ZDHHC7: variants seen among roughly 807,000 people sequenced by gnomAD.
The protein encoded by ZDHHC7 is palmitoyltransferase ZDHHC7.
In ZDHHC7, 12 loss-of-function variants were observed where a neutral mutation model predicts 34.1. The observed-to-expected ratio is 0.35, with a 90% CI of 0.23 to 0.57. The LOEUF (loss-of-function observed/expected upper bound fraction) is 0.57. ZDHHC7 is among the 20% of genes least tolerant of loss of function. The pLI is 0.84. For synonymous variants in ZDHHC7, 185 were observed against 155.4 expected (o/e 1.19, Z -1.42); for missense variants, 388 against 402.7 (o/e 0.96, Z 0.31).
At chr16:85,012,858 G>C (rs2072812286), upstream of ZDHHC7, among the ~76,000 whole-genome samples, 2 of 152,258 alleles carry the variant, frequency 1.3e-5, no homozygotes, top group Non-Finnish European at 1.5e-5. Context: ...AGTGGGCCGA[G>C]ATCGCGCCAT....
intron 1 of ZDHHC7, among the ~76,000 whole-genome samples, chr16:85,008,217 T>A (rs957092437): frequency 6.6e-6 from 1 of 151,988 alleles, no homozygotes; most frequent in Non-Finnish European, 1.5e-5. Flanking sequence ...AGGGGGGAGC[T>A]CTTCGTCACA....
Position 84,979,279 on chromosome 16 carries a change from G to A in ZDHHC7, c.447C>T (p.Cys149=), listed in dbSNP as rs749463294. The A allele has an allele frequency of 7.5e-6, 12 of 1,608,802 alleles. No homozygotes were observed. The East Asian group carries it at 2.2e-4, about 30-fold the overall frequency. The change falls in exon 5 of 8, where the codon TGC becomes TGT. Residue 149 remains cysteine, a synonymous_variant. Transcript: ENST00000313732. ...GATCCATTTTCCGAATACATCTTTT[G>A]CAAATACTGAAAAGGAGAGTTTGAT... ...KPERAHHCSI[C]KRCIRKMDHH... is the part of the protein sequence containing the mutation.
intron 1 of ZDHHC7, among the ~76,000 whole-genome samples, chr16:85,007,210 G>A (rs2072729018): frequency 6.6e-6 from 1 of 151,924 alleles, no homozygotes; most frequent in Non-Finnish European, 1.5e-5. Context: ...GATCACCTGA[G>A]GTCAGGAGTT....
At chr16:85,003,224 A>G (rs917057724) in intron 1 of ZDHHC7, among the ~76,000 whole-genome samples, 1 of 152,154 alleles carries the variant, frequency 6.6e-6, no homozygotes, top group African/African-American at 2.4e-5. Context: ...ACAGACTCAG[A>G]GGAAGTGAGG....
chr16:84,976,116 G>T lies in ZDHHC7; in HGVS notation c.*227C>A, dbSNP rs2072293424. 3.5e-6 allele frequency: 2 copies of T among 575,908 alleles called. No individual in the cohort carries two copies. The highest frequency in any genetic ancestry group is 5.9e-6 in the Non-Finnish European group (2 of 337,830). 35.7% of individuals were successfully genotyped at this position (575,908 alleles called of 1,614,324 possible). ...GCTCTGCAGGAGGCCACGGCGTTTG[G>T]CTTCTTCGTGTGGCCACACACCTTT... On this transcript the variant is annotated 3_prime_UTR_variant, in exon 8 of 8. Coordinates refer to ENST00000313732, the MANE Select transcript of ZDHHC7 (RefSeq NM_017740.3).
chr16:84,997,895 TA>T (rs751166134), intron 1 of ZDHHC7, among the ~76,000 whole-genome samples: 14,542 of 64,158 alleles, frequency 0.23, 1,160 homozygotes, highest in African/African-American at 0.42. Context: ...AGACTCCGTC[TA>T]AAAAAAAAAA....
chr16:85,001,409 T>A lies in ZDHHC7; in HGVS notation c.-103-5402A>T, dbSNP rs78016130. Among the ~76,000 whole-genome samples the A allele has an allele frequency of 5.0e-3, 706 of 141,000 alleles. 9 individuals carry two copies. Among genetic ancestry groups the A allele is most frequent in the African/African-American group, 0.018 (657 of 36,346 alleles). The allele number at this position is 141,000 out of a possible 152,430, so 92.5% of individuals were successfully genotyped here. ...TCACTTGAACCCTGGAGGCTGAGGT[T>A]GCAGTGGGCCAAGATCGCACCACTG... On this transcript the variant is annotated intron_variant, in intron 1 of 7. Transcript: ENST00000313732.
At chr16:85,009,739 T>C (rs1270493497) in intron 1 of ZDHHC7, among the ~76,000 whole-genome samples, 3 of 149,296 alleles carry the variant, frequency 2.0e-5, no homozygotes, top group South Asian at 2.1e-4. Context: ...GACGGAGTCT[T>C]GCTCTGTCGC....
the ZDHHC7 span, among the ~76,000 whole-genome samples, chr16:85,024,181 G>A: frequency 6.6e-6 from 1 of 150,808 alleles, no homozygotes; most frequent in Non-Finnish European, 1.5e-5. Context: ...GCTTCCCAAA[G>A]TGCTGAGATT....
At chr16:84,988,718 T>C (rs902831329) in intron 3 of ZDHHC7, 106 of 1,528,136 alleles carry the variant, frequency 6.9e-5, no homozygotes, top group Non-Finnish European at 8.8e-5. Flanking sequence ...TGCTGAGGAC[T>C]CCCAGCCAGG....
At chr16:84,979,384 A>T (rs921199726) in intron 4 of ZDHHC7, 99 bp from the exon 5 acceptor site, 2 of 1,455,110 alleles carry the variant, frequency 1.4e-6, no homozygotes, top group Non-Finnish European at 1.8e-6. Flanking sequence ...TAGAATGTAT[A>T]TTCTAATACA....
chr16:84,987,181 C>G (rs974614181), intron 3 of ZDHHC7, among the ~76,000 whole-genome samples: 8 of 152,338 alleles, frequency 5.3e-5, no homozygotes, highest in Admixed American at 6.5e-5. Context: ...TCTGCGTACT[C>G]CCCCTTCCTC....
At chr16:85,014,614 G>A (rs1420179975), upstream of ZDHHC7, among the ~76,000 whole-genome samples, 2 of 152,172 alleles carry the variant, frequency 1.3e-5, no homozygotes, top group Admixed American at 6.5e-5. Flanking sequence ...AGTGGAAGTT[G>A]CAAACATGCT....
chr16:85,011,008 T>C (rs1244993703), intron 1 of ZDHHC7, among the ~76,000 whole-genome samples: 1 of 152,194 alleles, frequency 6.6e-6, no homozygotes, highest in Non-Finnish European at 1.5e-5. Flanking sequence ...AAACCAGGGC[T>C]CGGAGAGCTG....
At chr16:84,995,747 A>C (rs913783164) in intron 2 of ZDHHC7, among the ~76,000 whole-genome samples, 175 bp downstream of exon 2, 1 of 152,212 alleles carries the variant, frequency 6.6e-6, no homozygotes, top group Non-Finnish European at 1.5e-5. Flanking sequence ...CCCTCCACAG[A>C]TACACCCTCC....
the ZDHHC7 span, among the ~76,000 whole-genome samples, chr16:85,027,138 A>T: frequency 6.6e-6 from 1 of 152,346 alleles, no homozygotes; most frequent in South Asian, 2.1e-4. Context: ...GCTGAGATGG[A>T]ATCTACCAGT....
At chr16:84,977,337 A>T (rs1425801854) in intron 6 of ZDHHC7, 112 bp from the exon 7 acceptor site, 1 of 1,391,030 alleles carries the variant, frequency 7.2e-7, no homozygotes, top group Non-Finnish European at 9.8e-7. Flanking sequence ...TCCAGGGGGA[A>T]GTTGTTCACT....
rs141573591 is a variant in ZDHHC7 at position 84,987,525 on chromosome 16, T to C, written c.315+2779A>G. ...TTTTTTTCCCCCAGTGGGGACACTT[T>C]AGAGAATACTTGGCAGTTCCACAAA... On this transcript the variant is annotated intron_variant, in intron 3 of 7. Coordinates refer to ENST00000313732, the MANE Select transcript of ZDHHC7 (RefSeq NM_017740.3). 2.0e-4 allele frequency among the ~76,000 whole-genome samples: 31 copies of C among 152,208 alleles called. 1 individual carries two copies. In the East Asian group the frequency reaches 6.0e-3, roughly 29 times the overall value.
At chr16:85,026,250 A>G in the ZDHHC7 span, among the ~76,000 whole-genome samples, 275 of 152,296 alleles carry the variant, frequency 1.8e-3, no homozygotes, top group Admixed American at 3.9e-3. Context: ...CACAGCATCC[A>G]TCCTCCTCCA....
Sources: allele counts gnomAD v4.1 joint callset (sites outside exome capture counted in the v4.1 genomes callset), GRCh38; gene constraint gnomAD v4.1.1; transcripts MANE v1.5; gene names NCBI Gene and HGNC (gene_info 2026-07-23, HGNC 2026-07-21).